PTGER3: variants seen among roughly 807,000 people sequenced by gnomAD.
The protein encoded by PTGER3 is prostaglandin E receptor 3.
PTGER3 carries 22 observed loss-of-function variants against 34.7 expected under a neutral mutation model. The ratio of observed to expected loss-of-function variants is 0.63; its 90% CI spans 0.45 to 0.91. The LOEUF is 0.91. PTGER3 is among the 40% of genes least tolerant of loss of function. PTGER3 has a pLI of 0.00. For synonymous variants in PTGER3, 241 were observed against 230.1 expected (o/e 1.05, Z -0.43); for missense variants, 468 against 519.4 (o/e 0.90, Z 0.96).
intron 4 of PTGER3, among the ~76,000 whole-genome samples, chr1:70,926,618 G>A (rs1485772295): frequency 1.1e-4 from 16 of 152,160 alleles, no homozygotes; most frequent in East Asian, 3.9e-4. Flanking sequence ...CAATGATGTC[G>A]TCTGCAAACA....
chr1:70,919,880 G>A (rs1647358042), intron 4 of PTGER3, among the ~76,000 whole-genome samples: 2 of 151,998 alleles, frequency 1.3e-5, no homozygotes, highest in Non-Finnish European at 2.9e-5. Context: ...GAGAATTGAG[G>A]TGAGCACCCA....
chr1:71,017,617 T>C (rs1020028962), intron 1 of PTGER3, among the ~76,000 whole-genome samples: 1 of 152,140 alleles, frequency 6.6e-6, no homozygotes, highest in Non-Finnish European at 1.5e-5. Context: ...GAGTGACTTC[T>C]CATGAGATAT....
chr1:70,927,985 A>G (rs893269562), intron 4 of PTGER3, among the ~76,000 whole-genome samples: 1 of 152,010 alleles, frequency 6.6e-6, no homozygotes, highest in Non-Finnish European at 1.5e-5. Context: ...GGTTAGATGG[A>G]TATCATTTTT....
At chr1:70,984,914 T>C (rs1395575306) in intron 2 of PTGER3, among the ~76,000 whole-genome samples, 1 of 152,174 alleles carries the variant, frequency 6.6e-6, no homozygotes, top group Non-Finnish European at 1.5e-5. Context: ...ACTCTAAATC[T>C]TCAAAAACTT....
At chr1:71,031,287 C>T (rs989268342) in intron 1 of PTGER3, among the ~76,000 whole-genome samples, 6 of 151,508 alleles carry the variant, frequency 4.0e-5, no homozygotes, top group Admixed American at 3.3e-4. Flanking sequence ...CACACACAAA[C>T]GTGCACACAC....
intron 1 of PTGER3, among the ~76,000 whole-genome samples, chr1:71,038,251 C>A (rs888847379): frequency 6.6e-6 from 1 of 152,150 alleles, no homozygotes; most frequent in Non-Finnish European, 1.5e-5. Flanking sequence ...ATCAAATTTA[C>A]TCTCAGGATA....
intron 2 of PTGER3, among the ~76,000 whole-genome samples, chr1:70,958,978 G>T (rs1651642455): frequency 6.6e-6 from 1 of 152,166 alleles, no homozygotes; most frequent in African/African-American, 2.4e-5. Context: ...TCAAAAATCA[G>T]TTGGCTGTAA....
At chr1:71,009,986 A>C in intron 2 of PTGER3, 1 of 985,208 alleles carries the variant, frequency 1.0e-6, no homozygotes, top group Non-Finnish European at 1.2e-6. Context: ...CTAGATAATA[A>C]AACTCATATG....
chr1:70,974,264 A>G (rs1330881045), intron 3 of PTGER3, 33 bp downstream of exon 3: 10 of 1,611,128 alleles, frequency 6.2e-6, no homozygotes, highest in South Asian at 1.1e-5. Context: ...GGGGAAGGCT[A>G]TGCTATAAAT....
intron 4 of PTGER3, among the ~76,000 whole-genome samples, chr1:70,927,238 A>T (rs1648188104): frequency 6.6e-6 from 1 of 152,018 alleles, no homozygotes; most frequent in Non-Finnish European, 1.5e-5. Context: ...ATTGATTGGA[A>T]TAGTTTTAGA....
At chr1:71,025,508 C>G (rs1572964910) in intron 1 of PTGER3, among the ~76,000 whole-genome samples, 1 of 151,236 alleles carries the variant, frequency 6.6e-6, no homozygotes, top group South Asian at 2.1e-4. Flanking sequence ...CATCAAATTT[C>G]TAATACTTAG....
intron 4 of PTGER3, among the ~76,000 whole-genome samples, chr1:70,873,671 A>G (rs1646213250): frequency 1.4e-5 from 2 of 147,690 alleles, no homozygotes; most frequent in African/African-American, 2.5e-5. Context: ...TTTTTGAGAC[A>G]GAGTCTTGCC....
chr1:71,005,908 C>T, intron 2 of PTGER3: 1 of 849,560 alleles, frequency 1.2e-6, no homozygotes, highest in Non-Finnish European at 1.4e-6. Flanking sequence ...CACAATTGTA[C>T]ATATTCGCAG....
chr1:70,940,429 G>GC (rs1233491315), intron 4 of PTGER3, among the ~76,000 whole-genome samples: 14 of 152,078 alleles, frequency 9.2e-5, no homozygotes, highest in African/African-American at 3.4e-4. Flanking sequence ...TTTCATAAAT[G>GC]CCCCACTCTA....
At chr1:70,882,628 A>G (rs1424256214) in intron 4 of PTGER3, among the ~76,000 whole-genome samples, 1 of 152,160 alleles carries the variant, frequency 6.6e-6, no homozygotes, top group Admixed American at 6.5e-5. Context: ...GCCTCCACAA[A>G]ATGACCAGGT....
intron 2 of PTGER3, chr1:71,008,901 C>T: frequency 1.0e-6 from 1 of 975,208 alleles, no homozygotes. Flanking sequence ...TGTCATTCAG[C>T]TCCTAGAATC....
chr1:71,010,645 A>G lies in PTGER3; in HGVS notation c.1077+1660T>C, dbSNP rs1170643180. Reference sequence around the variant, plus strand: ...AGGTAGTTTTGTCTTATACCCAATGAGATGACCTACAGGATAATCCAATTC... The same window carrying G: ...AGGTAGTTTTGTCTTATACCCAATGGGATGACCTACAGGATAATCCAATTC... On this transcript the variant is annotated intron_variant, in intron 2 of 3. Coordinates refer to ENST00000306666, the MANE Select transcript of PTGER3 (RefSeq NM_198719.2). The G allele has an allele frequency of 7.1e-6, 7 of 984,430 alleles. No homozygotes were observed. In the African/African-American group the frequency reaches 1.2e-4, roughly 17 times the overall value. 61.0% of individuals were successfully genotyped at this position (984,430 alleles called of 1,614,324 possible).
chr1:70,925,201 C>T (rs115322591), intron 4 of PTGER3, among the ~76,000 whole-genome samples: 3,922 of 152,244 alleles, frequency 0.026, 187 homozygotes, highest in African/African-American at 0.09. Flanking sequence ...GATGGAGTTT[C>T]GCCATTCTGG....
At chr1:71,033,621 G>T (rs1659585451) in intron 1 of PTGER3, among the ~76,000 whole-genome samples, 3 of 152,116 alleles carry the variant, frequency 2.0e-5, no homozygotes, top group Admixed American at 2.0e-4. Flanking sequence ...AACAAATACT[G>T]ATTGCATGCA....
Sources: gnomAD v4.1 joint callset for allele counts (sites outside exome capture counted in the v4.1 genomes callset) on GRCh38, gnomAD v4.1.1 for gene constraint, MANE v1.5 for transcripts, NCBI Gene and HGNC (gene_info 2026-07-23, HGNC 2026-07-21) for gene names.